AFTPH: variants seen among roughly 807,000 people sequenced by gnomAD.
The protein encoded by AFTPH is aftiphilin, also known as aftiphilin protein.
AFTPH carries 7 observed loss-of-function variants against 72.5 expected under a neutral mutation model. The ratio of observed to expected loss-of-function variants is 0.10; its 90% CI spans 0.05 to 0.18. The LOEUF is 0.18. AFTPH is among the 10% of genes least tolerant of loss of function. The pLI is 1.00. For synonymous variants in AFTPH, 337 were observed against 370.1 expected, an observed-to-expected ratio of 0.91 and a Z score of 1.03; for missense variants, 979 against 1,060.5, an observed-to-expected ratio of 0.92 and a Z score of 1.07.
At chr2:64,555,009 C>T (rs745833029) in intron 2 of AFTPH, among the ~76,000 whole-genome samples, 1 of 152,120 alleles carries the variant, frequency 6.6e-6, no homozygotes, top group Non-Finnish European at 1.5e-5. Flanking sequence ...GATAATAAAG[C>T]GTATGGGCTT....
chr2:64,525,086 C>T (rs554056508), intron 1 of AFTPH, among the ~76,000 whole-genome samples: 10 of 152,334 alleles, frequency 6.6e-5, no homozygotes, highest in African/African-American at 1.7e-4. Context: ...GTGCTGCTTC[C>T]AAGGGTCTCT....
chr2:64,582,156 A>G (rs1236094973), intron 7 of AFTPH, among the ~76,000 whole-genome samples: 1 of 152,248 alleles, frequency 6.6e-6, no homozygotes, highest in Non-Finnish European at 1.5e-5. Flanking sequence ...AGAGATGCCC[A>G]TGCCCAGAAT....
intron 8 of AFTPH, among the ~76,000 whole-genome samples, chr2:64,588,689 T>C (rs1673646315): frequency 6.6e-6 from 1 of 152,262 alleles, no homozygotes; most frequent in Non-Finnish European, 1.5e-5. Context: ...CATCTTTTCA[T>C]GTGTTTATCG....
intron 8 of AFTPH, 130 bp downstream of exon 9, chr2:64,585,675 C>A (rs1673461746): frequency 2.1e-6 from 2 of 953,930 alleles, no homozygotes; most frequent in Non-Finnish European, 3.1e-6. Context: ...TCAGTCGATG[C>A]CCAAGTCCAG....
chr2:64,579,448 G>A, intron 6 of AFTPH, 38 bp from the exon 7 acceptor site: 2 of 1,568,078 alleles, frequency 1.3e-6, no homozygotes, highest in Non-Finnish European at 1.8e-6. Context: ...GCTACAACCT[G>A]TACTGATTAA....
At chr2:64,586,438 C>G (rs1345177376) in intron 8 of AFTPH, among the ~76,000 whole-genome samples, 1 of 152,182 alleles carries the variant, frequency 6.6e-6, no homozygotes, top group African/African-American at 2.4e-5. Context: ...TAAATAGATT[C>G]TTCTATAGAA....
In AFTPH at chr2:64,573,157, GTT is replaced by G. The variant is rs879221125; in HGVS notation, c.2394+92_2394+93del. The G allele has an allele frequency of 1.8e-4, 181 of 984,216 alleles. 3 individuals are homozygous for G. The South Asian group carries it at 3.6e-3, about 20-fold the overall frequency. The allele number at this position is 984,216 out of a possible 1,614,324, so 61.0% of individuals were successfully genotyped here. On this transcript the variant is annotated intron_variant, in intron 6 of 8. Coordinates refer to ENST00000238856, the Ensembl canonical transcript of AFTPH. Reference sequence around the variant, plus strand: ...CTGCCTTTTTCCTTCATTTATGACTGTTTTAAAAATATTTGTAAAGCTTGATT... The same window carrying G: ...CTGCCTTTTTCCTTCATTTATGACTGTTAAAAATATTTGTAAAGCTTGATT...
chr2:64,569,683 A>C lies in AFTPH; in HGVS notation c.2271+4A>C, dbSNP rs2287531. The stretch of plus-strand genomic sequence containing the variant: ...GCCCATGTATGCAGCAGGATTGGTA[A>C]GTACAAAAATCTCTCTGCATGTATT... On this transcript the variant is annotated splice_donor_region_variant and intron_variant, in intron 5 of 8. Transcript: ENST00000238856. 8.8e-3 allele frequency: 14,186 copies of C among 1,613,346 alleles called. 621 individuals are homozygous for C. In the East Asian group the frequency reaches 0.14, roughly 16 times the overall value.
At chr2:64,560,540 G>A (rs552920081) in intron 2 of AFTPH, among the ~76,000 whole-genome samples, 1 of 152,300 alleles carries the variant, frequency 6.6e-6, no homozygotes, top group South Asian at 2.1e-4. Context: ...ACTTTCCTGA[G>A]CCCTTTCTCC....
intron 7 of AFTPH, among the ~76,000 whole-genome samples, chr2:64,581,691 T>C (rs1223593204): frequency 2.0e-5 from 3 of 152,214 alleles, no homozygotes; most frequent in African/African-American, 7.2e-5. Flanking sequence ...GTAGTGCCTG[T>C]AATAATATAA....
intron 8 of AFTPH, among the ~76,000 whole-genome samples, chr2:64,589,681 T>G (rs1240249429): frequency 6.6e-6 from 1 of 152,192 alleles, no homozygotes; most frequent in Non-Finnish European, 1.5e-5. Context: ...CAACTGTTTC[T>G]TAGGTAAAAA....
exon 3 of AFTPH, chr2:64,567,583 G>C: frequency 6.2e-7 from 1 of 1,611,854 alleles, no homozygotes; most frequent in South Asian, 1.1e-5. Flanking sequence ...AAACCGCCTG[G>C]AGCGAATTTT....
chr2:64,576,416 C>T (rs1276325038), intron 6 of AFTPH, among the ~76,000 whole-genome samples: 1 of 152,012 alleles, frequency 6.6e-6, no homozygotes, highest in Admixed American at 6.5e-5. Flanking sequence ...TCCAAATTGG[C>T]TTGTATTCAT....
chr2:64,575,617 G>A (rs1259114441), intron 6 of AFTPH, among the ~76,000 whole-genome samples: 2 of 148,438 alleles, frequency 1.3e-5, no homozygotes, highest in Admixed American at 1.3e-4. Context: ...ACCCTGCCTC[G>A]AAAAAAAAAA....
intron 1 of AFTPH, among the ~76,000 whole-genome samples, chr2:64,539,403 T>C (rs1349331977): frequency 2.0e-5 from 3 of 152,232 alleles, no homozygotes; most frequent in Non-Finnish European, 2.9e-5. Flanking sequence ...TATAATGTAC[T>C]GCCCCTCTTA....
intron 1 of AFTPH, among the ~76,000 whole-genome samples, chr2:64,529,373 T>C (rs1669468263): frequency 1.3e-5 from 2 of 151,660 alleles, no homozygotes. Context: ...TTTCTTAGAA[T>C]CTTGGTAGCC....
intron 1 of AFTPH, among the ~76,000 whole-genome samples, chr2:64,549,034 G>C (rs1670853032): frequency 6.6e-6 from 1 of 152,156 alleles, no homozygotes; most frequent in Admixed American, 6.5e-5. Context: ...CCACTAAGCA[G>C]CTGTCTGAAT....
chr2:64,571,028 C>T (rs997748628), intron 5 of AFTPH, among the ~76,000 whole-genome samples: 1 of 146,326 alleles, frequency 6.8e-6, no homozygotes, highest in Admixed American at 7.3e-5. Context: ...AAATGTATCT[C>T]GCCCTCCCCC....
chr2:64,584,650 G>C (rs1267249634), intron 7 of AFTPH, among the ~76,000 whole-genome samples: 7 of 138,248 alleles, frequency 5.1e-5, no homozygotes, highest in Non-Finnish European at 1.1e-4. Flanking sequence ...AGGCTGGAGT[G>C]CAGTGGCGTG....
Sources: gnomAD v4.1 joint callset for allele counts (sites outside exome capture counted in the v4.1 genomes callset) on GRCh38, gnomAD v4.1.1 for gene constraint, MANE v1.5 for transcripts, NCBI Gene and HGNC (gene_info 2026-07-23, HGNC 2026-07-21) for gene names.